Variants in NPAS2 observed in about 807,000 individuals in gnomAD.
The protein encoded by NPAS2 is neuronal PAS domain-containing protein 2.
NPAS2 carries 23 observed loss-of-function variants against 107.5 expected under a neutral mutation model. The observed-to-expected ratio is 0.21, with a 90% CI of 0.15 to 0.30. The LOEUF is 0.30. NPAS2 is among the 10% of genes least tolerant of loss of function. NPAS2 has a pLI of 1.00. For synonymous variants in NPAS2, 403 were observed against 417.5 expected (o/e 0.97, Z 0.42); for missense variants, 756 against 1,043.3 (o/e 0.72, Z 3.79).
rs373121158 is a variant in NPAS2 at position 100,951,331 on chromosome 2, T to G, written c.598+1851T>G. Among the ~76,000 whole-genome samples the G allele has an allele frequency of 3.3e-5, 5 of 152,320 alleles. No individual in the cohort carries two copies. The East Asian group carries it at 7.7e-4, about 24-fold the overall frequency. On this transcript the variant is annotated intron_variant, in intron 7 of 20. Transcript: ENST00000335681. ...GCATATGATCCAGCAATTCTACTTA[T>G]GGGTATGCACGCAAAAGAAGGGAAG... is the stretch of plus-strand genomic sequence containing the variant.
At chr2:100,850,143 A>G (rs187669835) in intron 1 of NPAS2, among the ~76,000 whole-genome samples, 145 of 152,236 alleles carry the variant, frequency 9.5e-4, no homozygotes, top group African/African-American at 3.3e-3. Flanking sequence ...TTAAACTCAT[A>G]TACTTCATAA....
intron 2 of NPAS2, among the ~76,000 whole-genome samples, chr2:100,920,963 C>T (rs554435709): frequency 7.2e-5 from 11 of 152,342 alleles, no homozygotes; most frequent in Non-Finnish European, 1.6e-4. Context: ...AGTACCCTTC[C>T]CCAACGGGGA....
Position 100,887,300 on chromosome 2 carries a change from G to A in NPAS2, c.-22-17433G>A, listed in dbSNP as rs12476292. 7.7e-3 allele frequency among the ~76,000 whole-genome samples: 1,179 copies of A among 152,286 alleles called. 59 individuals are homozygous for A. In the East Asian group the frequency reaches 0.14, roughly 19 times the overall value. ...GGCCAGAAGTGGAAGCCTTTCTGTCGGACAGCTACAGCCCAGACTGGATGC... is the reference window on the plus strand; with the variant it reads ...GGCCAGAAGTGGAAGCCTTTCTGTCAGACAGCTACAGCCCAGACTGGATGC... On this transcript the variant is annotated intron_variant, in intron 1 of 20. Transcript: ENST00000335681.
At position 100,919,387 on chromosome 2, in the gene NPAS2, C is replaced by T. The variant is rs528320608; in HGVS notation, c.33-5759C>T. 3.1e-3 allele frequency among the ~76,000 whole-genome samples: 476 copies of T among 152,200 alleles called. 2 individuals carry two copies. Among genetic ancestry groups the T allele is most frequent in the African/African-American group, 0.011 (449 of 41,544 alleles). ...ATTTTAAGGGGAAAAAAAACAAAAA[C>T]AAAAACAAAAAAACGTTTTAAAGCA... On this transcript the variant is annotated intron_variant, in intron 2 of 20. Transcript: ENST00000335681.
At chr2:100,871,788 A>G (rs1375138568) in intron 1 of NPAS2, among the ~76,000 whole-genome samples, 3 of 152,064 alleles carry the variant, frequency 2.0e-5, no homozygotes, top group Non-Finnish European at 4.4e-5. Flanking sequence ...TTGAAACACT[A>G]GAAATTCATC....
At chr2:100,938,950 A>G (rs1346499363) in intron 5 of NPAS2, among the ~76,000 whole-genome samples, 1 of 152,166 alleles carries the variant, frequency 6.6e-6, no homozygotes, top group Admixed American at 6.5e-5. Context: ...GAAAAGAGGA[A>G]GGCTTGCCCT....
intron 5 of NPAS2, among the ~76,000 whole-genome samples, chr2:100,945,847 T>C (rs1252492588): frequency 6.6e-6 from 1 of 152,328 alleles, no homozygotes; most frequent in East Asian, 1.9e-4. Flanking sequence ...TACCCTTTCA[T>C]TGTGGAGGCA....
chr2:100,926,264 T>C (rs1290762624), intron 3 of NPAS2, among the ~76,000 whole-genome samples: 1 of 152,214 alleles, frequency 6.6e-6, no homozygotes, highest in Non-Finnish European at 1.5e-5. Flanking sequence ...TTTGAGTTGA[T>C]ATATGTTTTC....
chr2:100,987,762 C>T (rs1037475733), intron 16 of NPAS2: 5 of 323,826 alleles, frequency 1.5e-5, no homozygotes, highest in South Asian at 1.5e-4. Flanking sequence ...AAGCCAACCT[C>T]GACTCTAAAC....
intron 1 of NPAS2, among the ~76,000 whole-genome samples, chr2:100,880,803 TGACCCCTG>T (rs1335181734): frequency 2.0e-5 from 3 of 152,200 alleles, no homozygotes; most frequent in Non-Finnish European, 4.4e-5. Context: ...TCATTCTGTG[TGACCCCTG>T]GACATATGGC....
chr2:100,981,772 C>T (rs1249427406), intron 15 of NPAS2, among the ~76,000 whole-genome samples: 7 of 152,064 alleles, frequency 4.6e-5, no homozygotes, highest in African/African-American at 7.2e-5. Flanking sequence ...GGATAACGAC[C>T]GGACCCAAAA....
At chr2:100,934,279 A>G (rs1356031734) in intron 4 of NPAS2, 1 of 151,802 alleles carries the variant, frequency 6.6e-6, no homozygotes, top group East Asian at 1.9e-4. Context: ...ATAACCCTAT[A>G]GCAGCAGCCT....
chr2:100,852,171 C>T (rs58887490), intron 1 of NPAS2, among the ~76,000 whole-genome samples: 21,747 of 151,804 alleles, frequency 0.14, 1,833 homozygotes, highest in South Asian at 0.23. Context: ...TCAAGGCGGG[C>T]GGATCACGAG....
chr2:100,980,235 G>C (rs1264298773), intron 15 of NPAS2, among the ~76,000 whole-genome samples: 1 of 152,128 alleles, frequency 6.6e-6, no homozygotes, highest in African/African-American at 2.4e-5. Context: ...AAGCCAACTG[G>C]GCACCGATGA....
chr2:100,878,366 CCTT>C (rs1680118530), intron 1 of NPAS2: 3 of 985,436 alleles, frequency 3.0e-6, no homozygotes, highest in South Asian at 4.7e-5. Context: ...AACGGAATGT[CCTT>C]CTTTGGAAGC....
chr2:100,955,644 A>G (rs1421156003), intron 7 of NPAS2, among the ~76,000 whole-genome samples: 2 of 131,532 alleles, frequency 1.5e-5, no homozygotes, highest in Non-Finnish European at 3.4e-5. Context: ...GGTAAACTGG[A>G]TTGTGTCACT....
At chr2:100,926,941 C>CTTT (rs71378131) in intron 3 of NPAS2, among the ~76,000 whole-genome samples, 8 of 126,864 alleles carry the variant, frequency 6.3e-5, no homozygotes, top group African/African-American at 2.1e-4. Flanking sequence ...TTTTTTCTTT[C>CTTT]TTTTTTTTTT....
chr2:100,880,446 A>G (rs1415043161), intron 1 of NPAS2, among the ~76,000 whole-genome samples: 1 of 152,266 alleles, frequency 6.6e-6, no homozygotes, highest in East Asian at 1.9e-4. Flanking sequence ...AATATTATTC[A>G]GTCTTAAAGA....
intron 7 of NPAS2, among the ~76,000 whole-genome samples, chr2:100,956,840 A>C (rs1675599044): frequency 6.6e-6 from 1 of 152,198 alleles, no homozygotes; most frequent in African/African-American, 2.4e-5. Flanking sequence ...TCTGTACACA[A>C]TGTGATGGGG....
Sources: allele counts gnomAD v4.1 joint callset (sites outside exome capture counted in the v4.1 genomes callset), GRCh38; gene constraint gnomAD v4.1.1; transcripts MANE v1.5; gene names NCBI Gene and HGNC (gene_info 2026-07-23, HGNC 2026-07-21).